The following TMCC1 variants were observed in gnomAD, a reference collection of about 807,000 sequenced individuals.
The protein encoded by TMCC1 is transmembrane and coiled-coil domain family 1, also known as transmembrane and coiled-coil domains protein 1.
A neutral mutation model predicts 52.4 loss-of-function variants in TMCC1; 15 were observed. The observed-to-expected ratio is 0.29, with a 90% CI of 0.19 to 0.44. TMCC1 has a LOEUF of 0.44. Ranked by LOEUF, TMCC1 falls within the 20% of genes least tolerant of loss-of-function variation. TMCC1 has a pLI of 1.00. For missense variants in TMCC1, 503 were observed against 806.0 expected (o/e 0.62, Z 4.55); for synonymous variants, 279 against 301.9 (o/e 0.92, Z 0.79).
At chr3:129,883,130 AACAC>A (rs59492665) in intron 1 of TMCC1, among the ~76,000 whole-genome samples, 15,489 of 146,674 alleles carry the variant, frequency 0.11, 991 homozygotes, top group African/African-American at 0.18. Flanking sequence ...CTCTACTAAA[AACAC>A]ACACACACAC....
intron 4 of TMCC1, among the ~76,000 whole-genome samples, chr3:129,791,624 A>G (rs1008013148): frequency 2.6e-5 from 4 of 152,176 alleles, no homozygotes; most frequent in African/African-American, 9.6e-5. Context: ...CGCAGGAGAC[A>G]TGGGGCAGGA....
chr3:129,869,931 A>T (rs1339482550), intron 2 of TMCC1, among the ~76,000 whole-genome samples: 4 of 152,198 alleles, frequency 2.6e-5, no homozygotes, highest in African/African-American at 9.7e-5. Flanking sequence ...AAATCTCATA[A>T]ATGTCCCACT....
intron 4 of TMCC1, among the ~76,000 whole-genome samples, chr3:129,774,876 A>G (rs1314949013): frequency 6.6e-6 from 1 of 152,200 alleles, no homozygotes; most frequent in African/African-American, 2.4e-5. Flanking sequence ...GAATCTCTAC[A>G]GATCATGTTA....
At chr3:129,807,122 A>G (rs554679607) in intron 4 of TMCC1, among the ~76,000 whole-genome samples, 1 of 152,336 alleles carries the variant, frequency 6.6e-6, no homozygotes, top group Non-Finnish European at 1.5e-5. Context: ...CAAGCAGGCA[A>G]AACTAAACAA....
rs2086155260 is a variant in TMCC1 at position 129,648,632 on chromosome 3, C to T, written c.*2849G>A. ...CAGCTTCACTCACCCAGGCTAGAGG[C>T]ATGGACAAATAAACCAGGAATGTTT... On this transcript the variant is annotated 3_prime_UTR_variant, in exon 7 of 7. Transcript: ENST00000393238. 2 of 151,998 alleles carry T rather than the reference C, an allele frequency of 1.3e-5. No individual in the cohort carries two copies. Among genetic ancestry groups the T allele is most frequent in the Non-Finnish European group, 2.9e-5 (2 of 68,018 alleles). The allele number at this position is 151,998 out of a possible 1,614,324, so 9.4% of individuals were successfully genotyped here. A position where few individuals can be genotyped will look rare whatever the true frequency, so the allele number is the denominator to read the frequency against.
intron 2 of TMCC1, among the ~76,000 whole-genome samples, chr3:129,867,310 T>C (rs2060698270): frequency 6.6e-6 from 1 of 152,218 alleles, no homozygotes. Flanking sequence ...TTATTTTTCA[T>C]ACTTGCAATG....
At chr3:129,683,307 T>C (rs1234094229) in intron 4 of TMCC1, among the ~76,000 whole-genome samples, 1 of 152,254 alleles carries the variant, frequency 6.6e-6, no homozygotes. Context: ...ACTAGATTTA[T>C]CTTTTTCTAA....
intron 2 of TMCC1, among the ~76,000 whole-genome samples, chr3:129,861,246 C>T (rs926987494): frequency 6.6e-6 from 1 of 152,132 alleles, no homozygotes; most frequent in African/African-American, 2.4e-5. Context: ...CAAGACCATC[C>T]TGGCCAACAT....
At chr3:129,654,928 C>G (rs370261257) in intron 6 of TMCC1, 40 bp downstream of exon 6, 284 of 1,603,678 alleles carry the variant, frequency 1.8e-4, no homozygotes, top group Non-Finnish European at 1.2e-4. Flanking sequence ...CTTTCTAACC[C>G]TACTGTATTT....
intron 4 of TMCC1, among the ~76,000 whole-genome samples, chr3:129,684,630 A>G (rs1251415531): frequency 1.3e-5 from 2 of 152,232 alleles, no homozygotes; most frequent in African/African-American, 4.8e-5. Context: ...GCCTTGGCCA[A>G]TTCTTTCACA....
intron 2 of TMCC1, among the ~76,000 whole-genome samples, chr3:129,857,574 CT>C (rs1427289076): frequency 6.7e-6 from 1 of 148,170 alleles, no homozygotes; most frequent in Non-Finnish European, 1.5e-5. Flanking sequence ...ATTTTTTTTT[CT>C]TTTTGAGACG....
At position 129,648,672 on chromosome 3, in the gene TMCC1, T is replaced by G. The variant is rs1332914249; in HGVS notation, c.*2809A>C. The G allele has an allele frequency of 7.1e-6, 1 of 141,844 alleles. No homozygotes were observed. The highest frequency in any genetic ancestry group is 1.6e-5 in the Non-Finnish European group (1 of 63,988). 8.8% of individuals were successfully genotyped at this position (141,844 alleles called of 1,614,324 possible). ...CAGGAATGTTTCATTTTAAAGGGAA[T>G]GAATACAGTTTTCTTTTCTTTTTTT... On this transcript the variant is annotated 3_prime_UTR_variant, in exon 7 of 7. Coordinates refer to ENST00000393238, the MANE Select transcript of TMCC1 (RefSeq NM_001017395.5).
intron 4 of TMCC1, among the ~76,000 whole-genome samples, chr3:129,794,015 A>G (rs1024792167): frequency 1.3e-5 from 2 of 152,196 alleles, no homozygotes; most frequent in Non-Finnish European, 2.9e-5. Context: ...TTAAATATAC[A>G]CTTTCAACCC....
intron 2 of TMCC1, among the ~76,000 whole-genome samples, chr3:129,858,401 C>A (rs2060239239): frequency 6.6e-6 from 1 of 152,030 alleles, no homozygotes; most frequent in Admixed American, 6.5e-5. Flanking sequence ...GAGACAGTGT[C>A]ACTCTGTCAC....
chr3:129,733,371 C>T (rs2050695913), intron 4 of TMCC1, among the ~76,000 whole-genome samples: 1 of 152,080 alleles, frequency 6.6e-6, no homozygotes, highest in South Asian at 2.1e-4. Context: ...GCAGACTATT[C>T]TCTGCTTTCT....
At chr3:129,667,624 A>C (rs2087573900) in intron 5 of TMCC1, among the ~76,000 whole-genome samples, 1 of 152,176 alleles carries the variant, frequency 6.6e-6, no homozygotes, top group Admixed American at 6.5e-5. Context: ...CCTACTAGAA[A>C]GAACCCAAAG....
At chr3:129,668,759 G>A (rs1394607714) in intron 5 of TMCC1, among the ~76,000 whole-genome samples, 1 of 152,132 alleles carries the variant, frequency 6.6e-6, no homozygotes, top group Non-Finnish European at 1.5e-5. Flanking sequence ...CTGAGTAGCT[G>A]GGATTACAGG....
At chr3:129,772,204 CAA>C (rs1448554411) in intron 4 of TMCC1, among the ~76,000 whole-genome samples, 2 of 151,980 alleles carry the variant, frequency 1.3e-5, no homozygotes, top group Non-Finnish European at 2.9e-5. Flanking sequence ...AAAAAATAAA[CAA>C]AGTTAACTGA....
At chr3:129,688,386 C>A in intron 4 of TMCC1, 1 of 985,388 alleles carries the variant, frequency 1.0e-6, no homozygotes, top group Non-Finnish European at 1.2e-6. Context: ...CCGAGAATAA[C>A]GCTGCAAATG....
Sources: allele counts gnomAD v4.1 joint callset (sites outside exome capture counted in the v4.1 genomes callset), GRCh38; gene constraint gnomAD v4.1.1; transcripts MANE v1.5; gene names NCBI Gene and HGNC (gene_info 2026-07-23, HGNC 2026-07-21).